The following MSI2 variants were observed in gnomAD, a reference collection of about 807,000 sequenced individuals.
The protein encoded by MSI2 is musashi RNA binding protein 2.
In MSI2, 17 loss-of-function variants were observed where a neutral mutation model predicts 45.6. The ratio of observed to expected loss-of-function variants is 0.37; its 90% CI spans 0.26 to 0.56. The LOEUF (loss-of-function observed/expected upper bound fraction) is 0.56, where lower values mean the gene tolerates loss of function less well. Ranked by LOEUF, MSI2 falls within the 20% of genes least tolerant of loss-of-function variation. MSI2 has a pLI of 0.77. For missense variants in MSI2, 293 were observed against 444.2 expected, an observed-to-expected ratio of 0.66 and a Z score of 3.06; for synonymous variants, 156 against 158.2, an observed-to-expected ratio of 0.99 and a Z score of 0.11.
chr17:57,277,293 A>G (rs1328477813), intron 5 of MSI2, among the ~76,000 whole-genome samples: 1 of 152,080 alleles, frequency 6.6e-6, no homozygotes, highest in African/African-American at 2.4e-5. Context: ...CCTGACCTCA[A>G]GTGATCTGCC....
At chr17:57,637,905 T>C (rs923663834) in intron 10 of MSI2, among the ~76,000 whole-genome samples, 3 of 152,154 alleles carry the variant, frequency 2.0e-5, no homozygotes, top group African/African-American at 4.8e-5. Context: ...CTCATTTTCC[T>C]CCACTCCCCA....
chr17:57,258,150 G>A, intron 3 of MSI2, 120 bp from the exon 4 acceptor site: 1 of 743,226 alleles, frequency 1.3e-6, no homozygotes. Context: ...AGGGGAGTGG[G>A]AGGTGGGGGT....
chr17:57,443,265 G>T (rs2084833569), intron 6 of MSI2, among the ~76,000 whole-genome samples: 1 of 152,164 alleles, frequency 6.6e-6, no homozygotes, highest in Non-Finnish European at 1.5e-5. Context: ...CTTTTCCTTG[G>T]CTCTTCTCGT....
At chr17:57,403,246 A>G (rs1206649724) in intron 6 of MSI2, among the ~76,000 whole-genome samples, 1 of 152,168 alleles carries the variant, frequency 6.6e-6, no homozygotes, top group Non-Finnish European at 1.5e-5. Flanking sequence ...ACATCTCTGC[A>G]CGTCCCCAAC....
chr17:57,549,014 T>C (rs1598390104), intron 7 of MSI2, among the ~76,000 whole-genome samples: 2 of 150,808 alleles, frequency 1.3e-5, no homozygotes, highest in East Asian at 2.0e-4. Context: ...CACCAAACTT[T>C]TGACTTTTCC....
At chr17:57,325,792 C>T (rs1913739339) in intron 5 of MSI2, among the ~76,000 whole-genome samples, 1 of 152,166 alleles carries the variant, frequency 6.6e-6, no homozygotes, top group African/African-American at 2.4e-5. Flanking sequence ...TAAGGGGCTC[C>T]CATACGGATG....
chr17:57,520,647 A>C (rs1335356072), intron 6 of MSI2, among the ~76,000 whole-genome samples: 1 of 151,998 alleles, frequency 6.6e-6, no homozygotes, highest in Non-Finnish European at 1.5e-5. Context: ...AATTTTTTTC[A>C]TTTAGGAGAT....
intron 7 of MSI2, among the ~76,000 whole-genome samples, chr17:57,561,694 A>G (rs1448444329): frequency 6.6e-6 from 1 of 152,200 alleles, no homozygotes; most frequent in Non-Finnish European, 1.5e-5. Flanking sequence ...ACCCGCAGCC[A>G]GGTGCTCCAA....
chr17:57,389,667 A>G (rs1317488261), intron 5 of MSI2, among the ~76,000 whole-genome samples: 1 of 152,198 alleles, frequency 6.6e-6, no homozygotes, highest in Non-Finnish European at 1.5e-5. Context: ...ATGGCTTGCC[A>G]CTGGAGACAC....
intron 7 of MSI2, among the ~76,000 whole-genome samples, chr17:57,558,250 C>T (rs752101680): frequency 1.3e-5 from 2 of 152,144 alleles, no homozygotes; most frequent in Non-Finnish European, 2.9e-5. Flanking sequence ...CTAGTCACCA[C>T]GCAGCCATCC....
At chr17:57,465,723 GCT>G (rs1217824042) in intron 6 of MSI2, among the ~76,000 whole-genome samples, 1 of 152,114 alleles carries the variant, frequency 6.6e-6, no homozygotes, top group Non-Finnish European at 1.5e-5. Context: ...GAGTGGCCAT[GCT>G]CTCCTGAATT....
chr17:57,581,690 C>T (rs544821210), intron 7 of MSI2, among the ~76,000 whole-genome samples: 80 of 152,258 alleles, frequency 5.3e-4, no homozygotes, highest in Middle Eastern at 3.4e-3. Context: ...CTCCAGATCC[C>T]CAGGGCTGCC....
chr17:57,411,963 C>A (rs1355508481), intron 6 of MSI2, among the ~76,000 whole-genome samples: 1 of 150,712 alleles, frequency 6.6e-6, no homozygotes, highest in Middle Eastern at 3.2e-3. Flanking sequence ...GCCAAGATCA[C>A]ACCATTGCAC....
chr17:57,297,113 T>C (rs1163733186), intron 5 of MSI2, among the ~76,000 whole-genome samples: 4 of 151,984 alleles, frequency 2.6e-5, no homozygotes, highest in Non-Finnish European at 5.9e-5. Flanking sequence ...GACCTTGTGA[T>C]CCACCCGCCT....
At chr17:57,610,015 T>C (rs1371266235) in intron 8 of MSI2, among the ~76,000 whole-genome samples, 3 of 152,162 alleles carry the variant, frequency 2.0e-5, no homozygotes, top group Non-Finnish European at 4.4e-5. Context: ...TAAAGGTCAT[T>C]ATCGGGTCCG....
At chr17:57,321,994 C>T (rs1378757391) in intron 5 of MSI2, among the ~76,000 whole-genome samples, 4 of 152,064 alleles carry the variant, frequency 2.6e-5, no homozygotes, top group Non-Finnish European at 5.9e-5. Context: ...ACGAGGTTTT[C>T]CCATGTTGGC....
rs1057123301 is a variant in MSI2 at position 57,382,447 on chromosome 17, G to A, written c.313-18932G>A. 2.6e-5 allele frequency among the ~76,000 whole-genome samples: 4 copies of A among 152,214 alleles called. No individual in the cohort carries two copies. In the South Asian group the frequency reaches 8.3e-4, roughly 31 times the overall value. On this transcript the variant is annotated intron_variant, in intron 5 of 13. Transcript: ENST00000284073. ...CAAGACTTGAGGGTCTGAGAATCGT[G>A]ATAGGAGGTAAAGACAGGTGGGAGG... is the stretch of plus-strand genomic sequence containing the variant.
At chr17:57,380,977 T>C (rs1162225423) in intron 5 of MSI2, among the ~76,000 whole-genome samples, 1 of 152,124 alleles carries the variant, frequency 6.6e-6, no homozygotes, top group Non-Finnish European at 1.5e-5. Context: ...CTGACCCCCA[T>C]CTTACACATA....
intron 5 of MSI2, among the ~76,000 whole-genome samples, chr17:57,382,923 C>G (rs1018190477): frequency 1.3e-5 from 2 of 152,216 alleles, no homozygotes; most frequent in South Asian, 2.1e-4. Context: ...ACTGAGTACT[C>G]TGCTATGTCC....
Sources: allele counts gnomAD v4.1 joint callset (sites outside exome capture counted in the v4.1 genomes callset), GRCh38; gene constraint gnomAD v4.1.1; transcripts MANE v1.5; gene names NCBI Gene and HGNC (gene_info 2026-07-23, HGNC 2026-07-21).